Variants in CTNNA2 observed in about 807,000 individuals in gnomAD.
The protein encoded by CTNNA2 is catenin alpha-2.
Under a neutral mutation model 101.0 loss-of-function variants are expected in CTNNA2, and 42 were observed. The observed-to-expected ratio is 0.42, with a 90% CI of 0.32 to 0.54. The LOEUF (loss-of-function observed/expected upper bound fraction) is 0.54. Among genes scored for constraint, CTNNA2 ranks in the 20% least tolerant of loss-of-function variants. CTNNA2 has a pLI of 0.14. For synonymous variants in CTNNA2, 450 were observed against 456.4 expected (o/e 0.99, Z 0.18); for missense variants, 871 against 1,223.1 (o/e 0.71, Z 4.29).
chr2:79,400,193 A>G (rs879855413), intron 4 of CTNNA2, among the ~76,000 whole-genome samples: 2 of 152,220 alleles, frequency 1.3e-5, no homozygotes, highest in Non-Finnish European at 2.9e-5. Flanking sequence ...TTAAGGAGAC[A>G]GTCAGATACG....
intron 7 of CTNNA2, among the ~76,000 whole-genome samples, chr2:80,094,726 C>T (rs981406236): frequency 6.6e-6 from 1 of 152,088 alleles, no homozygotes; most frequent in Non-Finnish European, 1.5e-5. Flanking sequence ...CTTCACATCC[C>T]TTGTAAGTTG....
intron 18 of CTNNA2, among the ~76,000 whole-genome samples, chr2:80,633,090 G>A (rs1237633210): frequency 6.6e-6 from 1 of 152,122 alleles, no homozygotes; most frequent in Non-Finnish European, 1.5e-5. Flanking sequence ...GAAATACAGG[G>A]AATAGCATGT....
intron 8 of CTNNA2, among the ~76,000 whole-genome samples, chr2:80,415,632 A>G (rs992356339): frequency 1.3e-5 from 2 of 152,178 alleles, no homozygotes; most frequent in African/African-American, 4.8e-5. Flanking sequence ...TAGTACAATC[A>G]TAGAAAACAG....
chr2:80,296,066 G>A (rs1472321065), intron 7 of CTNNA2, among the ~76,000 whole-genome samples: 3 of 151,804 alleles, frequency 2.0e-5, no homozygotes, highest in South Asian at 2.1e-4. Flanking sequence ...AGTTTTTTAC[G>A]ATTATTGCGG....
intron 15 of CTNNA2, among the ~76,000 whole-genome samples, chr2:80,596,573 A>C (rs984906400): frequency 6.6e-6 from 1 of 151,760 alleles, no homozygotes; most frequent in East Asian, 2.0e-4. Context: ...TGGCCTCTCA[A>C]AGTGCTGGGA....
intron 1 of CTNNA2, among the ~76,000 whole-genome samples, chr2:79,586,189 C>T (rs183199002): frequency 6.6e-6 from 1 of 152,268 alleles, no homozygotes; most frequent in African/African-American, 2.4e-5. Flanking sequence ...CAGCACATCA[C>T]CGGCTTCTCC....
At chr2:79,599,493 T>C (rs1314286984) in intron 1 of CTNNA2, among the ~76,000 whole-genome samples, 1 of 152,178 alleles carries the variant, frequency 6.6e-6, no homozygotes, top group East Asian at 1.9e-4. Context: ...CCTAAGATTC[T>C]CTGTGGCCTA....
At chr2:79,712,337 G>T (rs983276769) in intron 2 of CTNNA2, among the ~76,000 whole-genome samples, 1 of 152,180 alleles carries the variant, frequency 6.6e-6, no homozygotes, top group Non-Finnish European at 1.5e-5. Context: ...CTGTAAAATG[G>T]ATGTACCATT....
intron 9 of CTNNA2, among the ~76,000 whole-genome samples, chr2:80,538,595 G>C (rs2149611407): frequency 6.6e-6 from 1 of 152,200 alleles, no homozygotes; most frequent in Middle Eastern, 3.4e-3. Context: ...TGTGTGTTTT[G>C]GTACCAGCAC....
chr2:80,372,696 T>G (rs1675560361), intron 7 of CTNNA2, among the ~76,000 whole-genome samples: 1 of 151,612 alleles, frequency 6.6e-6, no homozygotes, highest in African/African-American at 2.4e-5. Context: ...TTTTTTTTTT[T>G]TATTGAGCCA....
At chr2:80,534,091 G>T (rs575305969) in intron 9 of CTNNA2, among the ~76,000 whole-genome samples, 19 of 152,254 alleles carry the variant, frequency 1.2e-4, no homozygotes, top group African/African-American at 4.6e-4. Context: ...AGGGCAGACT[G>T]ATCACTTTAA....
At chr2:79,882,621 C>T (rs1359029774) in intron 6 of CTNNA2, among the ~76,000 whole-genome samples, 1 of 152,238 alleles carries the variant, frequency 6.6e-6, no homozygotes, top group Non-Finnish European at 1.5e-5. Context: ...TTACCCCTCC[C>T]AGGAAGCTTA....
At chr2:80,567,546 C>T (rs1573298539) in intron 12 of CTNNA2, among the ~76,000 whole-genome samples, 2 of 152,256 alleles carry the variant, frequency 1.3e-5, no homozygotes, top group African/African-American at 4.8e-5. Context: ...CTTCTGTCAT[C>T]TAATTAGGGG....
At chr2:80,114,741 G>C (rs901484386) in intron 7 of CTNNA2, among the ~76,000 whole-genome samples, 1 of 152,104 alleles carries the variant, frequency 6.6e-6, no homozygotes, top group Non-Finnish European at 1.5e-5. Flanking sequence ...CTTCTCAAAG[G>C]ATGGCTGAGA....
At chr2:80,224,932 A>ACCC (rs1708786126) in intron 7 of CTNNA2, among the ~76,000 whole-genome samples, 1 of 151,430 alleles carries the variant, frequency 6.6e-6, no homozygotes, top group African/African-American at 2.4e-5. Context: ...TTTCCACCTA[A>ACCC]CCCCCCTGCC....
chr2:80,169,836 C>T (rs1468798453), intron 7 of CTNNA2, among the ~76,000 whole-genome samples: 3 of 152,222 alleles, frequency 2.0e-5, no homozygotes, highest in African/African-American at 7.2e-5. Context: ...GATTTCTAGT[C>T]TTAGTTCTGC....
At chr2:79,712,127 T>A (rs1449983425) in intron 2 of CTNNA2, among the ~76,000 whole-genome samples, 1 of 152,200 alleles carries the variant, frequency 6.6e-6, no homozygotes, top group African/African-American at 2.4e-5. Flanking sequence ...ACTTTATATG[T>A]CATCTTAATC....
chr2:79,565,263 G>GA (rs1202915172), intron 1 of CTNNA2, among the ~76,000 whole-genome samples: 1 of 150,192 alleles, frequency 6.7e-6, no homozygotes, highest in Non-Finnish European at 1.5e-5. Context: ...AAAAAAAAAG[G>GA]AAACAGGGAC....
chr2:79,483,494 G>A (rs60539849), intron 4 of CTNNA2, among the ~76,000 whole-genome samples: 27,304 of 152,060 alleles, frequency 0.18, 2,583 homozygotes, highest in Middle Eastern at 0.3. Flanking sequence ...ATCTGATTTT[G>A]AGCTCACTCA....
Sources: gnomAD v4.1 joint callset for allele counts (sites outside exome capture counted in the v4.1 genomes callset) on GRCh38, gnomAD v4.1.1 for gene constraint, MANE v1.5 for transcripts, NCBI Gene and HGNC (gene_info 2026-07-23, HGNC 2026-07-21) for gene names.